The following PLB1 variants were observed in gnomAD, a reference collection of about 807,000 sequenced individuals.
The protein encoded by PLB1 is phospholipase B1, membrane-associated.
PLB1 carries 242 observed loss-of-function variants against 227.4 expected under a neutral mutation model. The observed-to-expected ratio is 1.06, with a 90% CI of 0.96 to 1.18. The LOEUF (loss-of-function observed/expected upper bound fraction) is 1.18, where lower values mean the gene tolerates loss of function less well. PLB1 is among the 50% of genes most tolerant of loss of function. The pLI, the probability that PLB1 is intolerant of heterozygous loss-of-function variation, is 0.00. For missense variants in PLB1, 1,858 were observed against 1,816.3 expected, an observed-to-expected ratio of 1.02 and a Z score of -0.42; for synonymous variants, 757 against 682.2, an observed-to-expected ratio of 1.11 and a Z score of -1.71.
chr2:28,608,633 G>C (rs138765746), intron 43 of PLB1, among the ~76,000 whole-genome samples: 6 of 152,320 alleles, frequency 3.9e-5, no homozygotes, highest in African/African-American at 1.4e-4. Flanking sequence ...CCTATACTCT[G>C]CCTTAATGGG....
rs1367540179 is a variant in PLB1 at position 28,548,841 on chromosome 2, A to G, written c.937-19A>G. ...CCTGCACAAAACTTCCCTGTTCTAA[A>G]GCCCACGTTCCTTTCTAGATGGAGC... On this transcript the variant is annotated intron_variant, in intron 14 of 57. Transcript: ENST00000327757. 3.7e-6 allele frequency: 6 copies of G among 1,613,756 alleles called. No individual in the cohort carries two copies. The highest frequency in any genetic ancestry group is 5.1e-6 in the Non-Finnish European group (6 of 1,179,844).
In PLB1 at chr2:28,591,155, A is replaced by G. The variant is rs546335725; in HGVS notation, c.2111A>G (p.Tyr704Cys). ...PNQVQPFLRT[Y>C]KNSMQGHGTW... ...CAGGTCCAGCCGTTTCTGAGGACCT[A>G]CAAGAACAGCATGCAGGTACCTGCC... is the stretch of plus-strand genomic sequence containing the variant. Residue 704 changes from tyrosine to cysteine, a missense_variant, in exon 30 of 58, where the codon TAC (tyrosine) becomes TGC (cysteine). Coordinates refer to ENST00000327757, the MANE Select transcript of PLB1 (RefSeq NM_153021.5). 2.8e-5 allele frequency: 46 copies of G among 1,614,184 alleles called. No homozygotes were observed. In the African/African-American group the frequency reaches 4.4e-4, roughly 15 times the overall value.
intron 46 of PLB1, 107 bp from the exon 47 acceptor site, chr2:28,620,158 T>C (rs764709410): frequency 1.5e-6 from 1 of 684,292 alleles, no homozygotes; most frequent in Non-Finnish European, 2.4e-6. Flanking sequence ...GTACTATTTT[T>C]AGAAAAGGCA....
chr2:28,590,113 C>T lies in PLB1; in HGVS notation c.2088+37C>T, dbSNP rs146146683. ...AGCACGTCCTTCCAGGCTCCGGCTG[C>T]ACTGGGCTTCTTGGCTCATTTCATC... On this transcript the variant is annotated intron_variant, in intron 29 of 57. Transcript: ENST00000327757. 2.6e-4 allele frequency: 405 copies of T among 1,545,358 alleles called. No homozygotes were observed. In the East Asian group the frequency reaches 8.2e-3, roughly 31 times the overall value.
chr2:28,518,432 A>G lies in PLB1; in HGVS notation c.118-34A>G, dbSNP rs891860330. The G allele has an allele frequency of 2.0e-6, 3 of 1,503,748 alleles. No homozygotes were observed. In the African/African-American group the frequency reaches 4.1e-5, roughly 21 times the overall value. 93.2% of individuals were successfully genotyped at this position (1,503,748 alleles called of 1,614,324 possible). A position where few individuals can be genotyped will look rare whatever the true frequency, so the allele number is the denominator to read the frequency against. On this transcript the variant is annotated intron_variant, in intron 2 of 57. Coordinates refer to ENST00000327757, the MANE Select transcript of PLB1 (RefSeq NM_153021.5). The stretch of plus-strand genomic sequence containing the variant: ...GACCTGCAATATTTCTATACAAGGC[A>G]GTTGATGTTTCTGATGTTCGTTTTC...
Position 28,602,848 on chromosome 2 carries a change from G to GA in PLB1, c.2702dup (p.Asp901GlufsTer29). 1 of 1,614,164 alleles carries GA rather than the reference G, an allele frequency of 6.2e-7. No individual in the cohort carries two copies. Among genetic ancestry groups the GA allele is most frequent in the Non-Finnish European group, 8.5e-7 (1 of 1,180,014 alleles). ...GCCCAGAGTCCTGGTCAACCTCGTGGACTTCCTGAACCCCACTATCATGCG... is the reference window on the plus strand; with the variant it reads ...GCCCAGAGTCCTGGTCAACCTCGTGGAACTTCCTGAACCCCACTATCATGCG... On this transcript the variant is annotated frameshift_variant, in exon 39 of 58. Coordinates refer to ENST00000327757, the MANE Select transcript of PLB1 (RefSeq NM_153021.5). LOFTEE classifies it high-confidence loss of function.
chr2:28,641,533 G>C (rs554245610), intron 57 of PLB1, among the ~76,000 whole-genome samples: 1 of 152,154 alleles, frequency 6.6e-6, no homozygotes, highest in South Asian at 2.1e-4. Flanking sequence ...ACTTGAACCC[G>C]GGAGGCAGAG....
Position 28,632,055 on chromosome 2 carries a change from C to T in PLB1, c.3917C>T (p.Ser1306Phe), listed in dbSNP as rs1415261754. Residue 1306 changes from serine to phenylalanine, a missense_variant, in exon 55 of 58, where the codon TCC becomes TTC. Coordinates refer to ENST00000327757, the MANE Select transcript of PLB1 (RefSeq NM_153021.5). The stretch of plus-strand genomic sequence containing the variant: ...CCCCAGCATGGCATCTCCAGTTTCT[C>T]CTACTGGCACCAATACACACAGCGT... ...WNLQHGISSF[S>F]YWHQYTQRED... 2 of 1,613,946 alleles carry T rather than the reference C, an allele frequency of 1.2e-6. No homozygotes were observed. Among genetic ancestry groups the T allele is most frequent in the Non-Finnish European group, 1.7e-6 (2 of 1,179,982 alleles).
At chr2:28,619,221 C>T (rs912573022) in intron 46 of PLB1, among the ~76,000 whole-genome samples, 13 of 152,104 alleles carry the variant, frequency 8.5e-5, no homozygotes, top group East Asian at 3.9e-4. Flanking sequence ...GATAGGCCCC[C>T]GTGTGCGTTG....
intron 20 of PLB1, among the ~76,000 whole-genome samples, chr2:28,569,988 AAAGAAAATCTG>A (rs1677738569): frequency 6.6e-6 from 1 of 151,426 alleles, no homozygotes; most frequent in Non-Finnish European, 1.5e-5. Context: ...AAGAAAGAAA[AAAGAAAATCTG>A]AATAGATTTA....
intron 47 of PLB1, 72 bp downstream of exon 47, chr2:28,620,404 C>A: frequency 6.9e-7 from 1 of 1,446,942 alleles, no homozygotes; most frequent in Non-Finnish European, 9.4e-7. Context: ...TGTTTCCTGT[C>A]ACCCCTCCAG....
At chr2:28,632,169 A>C in intron 55 of PLB1, 29 bp downstream of exon 55, 2 of 1,545,728 alleles carry the variant, frequency 1.3e-6, no homozygotes, top group Non-Finnish European at 1.8e-6. Context: ...AGGGAGGCTC[A>C]CGTATGGGGG....
chr2:28,554,306 T>TAGAC (rs1674684810), intron 17 of PLB1, among the ~76,000 whole-genome samples: 1 of 73,530 alleles, frequency 1.4e-5, no homozygotes. Context: ...TGTGTGTATA[T>TAGAC]ATATGTCTAT....
intron 46 of PLB1, among the ~76,000 whole-genome samples, chr2:28,619,730 C>G (rs954209070): frequency 2.0e-5 from 3 of 151,996 alleles, no homozygotes; most frequent in Non-Finnish European, 4.4e-5. Flanking sequence ...AGGTAATTAG[C>G]TTAGCCCTGA....
Position 28,543,233 on chromosome 2 carries a change from T to TC in PLB1, c.902dup (p.Thr302TyrfsTer10), listed in dbSNP as rs1672754204. On this transcript the variant is annotated frameshift_variant, in exon 14 of 58. Coordinates refer to ENST00000327757, the MANE Select transcript of PLB1 (RefSeq NM_153021.5). LOFTEE classifies it high-confidence loss of function. Reference sequence around the variant, plus strand: ...TTAGGAGGACCCCCGACTCCAGGATTCTACCACGCTGGCCTGGCATCTCTG... The same window carrying TC: ...TTAGGAGGACCCCCGACTCCAGGATTCCTACCACGCTGGCCTGGCATCTCTG... The TC allele has an allele frequency of 6.2e-7, 1 of 1,612,340 alleles. No individual in the cohort carries two copies. The highest frequency in any genetic ancestry group is 1.1e-5 in the South Asian group (1 of 90,456).
intron 22 of PLB1, 140 bp from the exon 23 acceptor site, chr2:28,579,487 A>G (rs1679548415): frequency 3.3e-6 from 2 of 613,438 alleles, no homozygotes; most frequent in South Asian, 3.7e-5. Flanking sequence ...GGACCCTAAA[A>G]GCAAGGAACA....
At chr2:28,617,581 C>T in intron 44 of PLB1, 146 bp from the exon 45 acceptor site, 2 of 762,500 alleles carry the variant, frequency 2.6e-6, no homozygotes, top group Middle Eastern at 2.3e-4. Context: ...CCACCTATAA[C>T]TCACAGTTCT....
At chr2:28,500,238 G>A (rs911751112) in intron 1 of PLB1, among the ~76,000 whole-genome samples, 13 of 152,086 alleles carry the variant, frequency 8.5e-5, no homozygotes, top group Admixed American at 6.6e-4. Flanking sequence ...TCGGCTTTTT[G>A]TTTGTTTCTT....
intron 52 of PLB1, 55 bp from the exon 53 acceptor site, chr2:28,629,039 G>C: frequency 6.8e-7 from 1 of 1,478,496 alleles, no homozygotes; most frequent in South Asian, 1.2e-5. Flanking sequence ...ATGACCCCCA[G>C]GTTCCTCCCA....
Sources: allele counts gnomAD v4.1 joint callset (sites outside exome capture counted in the v4.1 genomes callset), GRCh38; gene constraint gnomAD v4.1.1; transcripts MANE v1.5; gene names NCBI Gene and HGNC (gene_info 2026-07-23, HGNC 2026-07-21).